The following CREB5 variants were observed in gnomAD, a reference collection of about 807,000 sequenced individuals.
CREB5 encodes the protein cyclic AMP-responsive element-binding protein 5.
CREB5 carries 19 observed loss-of-function variants against 57.1 expected under a neutral mutation model. The observed-to-expected ratio is 0.33, with a 90% CI of 0.23 to 0.49. The LOEUF is 0.49. Ranked by LOEUF, CREB5 falls within the 20% of genes least tolerant of loss-of-function variation. The probability of loss-of-function intolerance (pLI) is 0.99; values close to 1 mark genes in which losing one functional copy is unlikely to be tolerated. For missense variants in CREB5, 579 were observed against 671.6 expected (o/e 0.86, Z 1.52); for synonymous variants, 238 against 238.3 (o/e 1.00, Z 0.01).
intron 4 of CREB5, among the ~76,000 whole-genome samples, chr7:28,561,793 G>C (rs1203358744): frequency 4.6e-5 from 7 of 152,196 alleles, no homozygotes; most frequent in Non-Finnish European, 8.8e-5. Flanking sequence ...GCCCAGGCTG[G>C]AGTGCAGTGG....
At chr7:28,432,891 G>A (rs1788784254) in intron 1 of CREB5, among the ~76,000 whole-genome samples, 1 of 152,098 alleles carries the variant, frequency 6.6e-6, no homozygotes, top group South Asian at 2.1e-4. Context: ...TATAATCTAT[G>A]TCTTCATCCA....
intron 1 of CREB5, among the ~76,000 whole-genome samples, chr7:28,432,667 G>T (rs1199115475): frequency 6.6e-6 from 1 of 152,114 alleles, no homozygotes; most frequent in Admixed American, 6.5e-5. Context: ...GAGTCAGAAA[G>T]GAATAAAGGA....
chr7:28,768,748 A>G (rs1352333750), intron 7 of CREB5, among the ~76,000 whole-genome samples: 1 of 152,236 alleles, frequency 6.6e-6, no homozygotes. Flanking sequence ...AAATTTGGTC[A>G]TGAGTCCAAT....
At chr7:28,522,885 G>A (rs1177119766) in intron 4 of CREB5, among the ~76,000 whole-genome samples, 2 of 152,126 alleles carry the variant, frequency 1.3e-5, no homozygotes, top group Non-Finnish European at 2.9e-5. Context: ...AACCCACCAC[G>A]ACTGCTCTGC....
At chr7:28,808,242 C>T (rs958587703) in intron 8 of CREB5, among the ~76,000 whole-genome samples, 4 of 152,170 alleles carry the variant, frequency 2.6e-5, no homozygotes, top group South Asian at 2.1e-4. Flanking sequence ...CAGGCAGGCC[C>T]GGCTGGAGTA....
intron 1 of CREB5, among the ~76,000 whole-genome samples, chr7:28,375,700 C>A (rs1489652090): frequency 1.3e-5 from 2 of 149,772 alleles, no homozygotes; most frequent in Non-Finnish European, 1.5e-5. Context: ...CTGTTCTGAT[C>A]TGGAAGTGAG....
At chr7:28,500,686 G>T (rs1360953201) in intron 3 of CREB5, among the ~76,000 whole-genome samples, 2 of 152,166 alleles carry the variant, frequency 1.3e-5, no homozygotes, top group Non-Finnish European at 2.9e-5. Context: ...GAGATCCATT[G>T]CTCATGGTTC....
chr7:28,729,101 C>A (rs1803478042), intron 7 of CREB5, among the ~76,000 whole-genome samples: 1 of 152,018 alleles, frequency 6.6e-6, no homozygotes, highest in Non-Finnish European at 1.5e-5. Flanking sequence ...TGAATAGATA[C>A]CTAAGTACAT....
At chr7:28,486,695 T>TATATATATATATATATA (rs1282046289) in intron 1 of CREB5, among the ~76,000 whole-genome samples, 83 of 132,280 alleles carry the variant, frequency 6.3e-4, no homozygotes, top group South Asian at 9.7e-4. Context: ...TATATATATG[T>TATATATATATATATATA]TACTGTGTGG....
intron 7 of CREB5, among the ~76,000 whole-genome samples, chr7:28,746,441 G>A (rs1459263688): frequency 6.6e-6 from 1 of 152,132 alleles, no homozygotes. Context: ...AGCACCACCG[G>A]GGAGCCCTTT....
chr7:28,481,070 C>T (rs1346822566), intron 1 of CREB5, among the ~76,000 whole-genome samples: 2 of 152,230 alleles, frequency 1.3e-5, no homozygotes, highest in African/African-American at 4.8e-5. Context: ...AATAAAACCA[C>T]AAACCTCTGC....
At chr7:28,808,535 A>ATTTGTT (rs986030122) in intron 8 of CREB5, among the ~76,000 whole-genome samples, 3 of 151,752 alleles carry the variant, frequency 2.0e-5, no homozygotes, top group East Asian at 3.9e-4. Context: ...AAAGTTGTTC[A>ATTTGTT]TTTGTTTTTG....
chr7:28,766,791 T>C (rs1185087160), intron 7 of CREB5, among the ~76,000 whole-genome samples: 1 of 152,178 alleles, frequency 6.6e-6, no homozygotes, highest in African/African-American at 2.4e-5. Flanking sequence ...TGGTAAACTT[T>C]CCTGACTTTC....
chr7:28,750,519 A>G (rs957495698), intron 7 of CREB5, among the ~76,000 whole-genome samples: 3 of 152,218 alleles, frequency 2.0e-5, no homozygotes, highest in Non-Finnish European at 2.9e-5. Flanking sequence ...CCCCATATAC[A>G]AATCATTTTT....
chr7:28,397,262 G>A (rs1016979621), intron 1 of CREB5, among the ~76,000 whole-genome samples: 1 of 152,200 alleles, frequency 6.6e-6, no homozygotes, highest in Non-Finnish European at 1.5e-5. Context: ...GATTTACAGA[G>A]TGGTATTCCT....
chr7:28,600,783 A>G (rs1020043968), intron 5 of CREB5, among the ~76,000 whole-genome samples: 3 of 152,186 alleles, frequency 2.0e-5, no homozygotes, highest in Non-Finnish European at 4.4e-5. Context: ...AAGTAAGTTT[A>G]ACATTTAAAT....
rs1554304970 is a variant in CREB5 at position 28,822,421 on chromosome 7, A to ATGTC, written c.*3143_*3144insGTCT. The ATGTC allele has an allele frequency of 6.6e-6, 1 of 152,620 alleles. No individual in the cohort carries two copies. The highest frequency in any genetic ancestry group is 2.4e-5 in the African/African-American group (1 of 41,442). 9.5% of individuals were successfully genotyped at this position (152,620 alleles called of 1,614,324 possible). ...CTACACTTTTTGCCTGTTTGGGAGAATATCTTTGTACTCCATTCTCCTCCC... is the reference window on the plus strand; with the variant it reads ...CTACACTTTTTGCCTGTTTGGGAGAATGTCTATCTTTGTACTCCATTCTCCTCCC... On this transcript the variant is annotated 3_prime_UTR_variant, in exon 11 of 11. Transcript: ENST00000357727.
chr7:28,712,314 C>A (rs948287920), intron 5 of CREB5, among the ~76,000 whole-genome samples: 1 of 151,880 alleles, frequency 6.6e-6, no homozygotes. Context: ...TCAAGACCAG[C>A]CTGGCCAACG....
chr7:28,639,220 T>C (rs188805728), intron 5 of CREB5, among the ~76,000 whole-genome samples: 208 of 152,354 alleles, frequency 1.4e-3, no homozygotes, highest in Middle Eastern at 6.8e-3. Context: ...CTGTTTGGCC[T>C]TCAGCATTTT....
Sources: gnomAD v4.1 joint callset for allele counts (sites outside exome capture counted in the v4.1 genomes callset) on GRCh38, gnomAD v4.1.1 for gene constraint, MANE v1.5 for transcripts, NCBI Gene and HGNC (gene_info 2026-07-23, HGNC 2026-07-21) for gene names.